The following CTIF variants were observed in gnomAD, a reference collection of about 807,000 sequenced individuals.
CTIF encodes the protein CBP80/20-dependent translation initiation factor.
In CTIF, 21 loss-of-function variants were observed where a neutral mutation model predicts 66.0. The ratio of observed to expected loss-of-function variants is 0.32; its 90% CI spans 0.23 to 0.46. CTIF has a LOEUF of 0.46. CTIF is among the 20% of genes least tolerant of loss of function. The pLI, the probability that CTIF is intolerant of heterozygous loss-of-function variation, is 1.00. For missense variants in CTIF, 739 were observed against 812.7 expected (o/e 0.91, Z 1.10); for synonymous variants, 345 against 326.4 (o/e 1.06, Z -0.62).
At chr18:48,707,420 C>A (rs2092170950) in intron 6 of CTIF, among the ~76,000 whole-genome samples, 1 of 152,138 alleles carries the variant, frequency 6.6e-6, no homozygotes, top group South Asian at 2.1e-4. Flanking sequence ...TTGGACATGC[C>A]ACCTTTTCCA....
intron 1 of CTIF, among the ~76,000 whole-genome samples, chr18:48,589,155 C>T (rs1030526006): frequency 8.5e-5 from 13 of 152,262 alleles, no homozygotes; most frequent in East Asian, 1.9e-4. Flanking sequence ...ACTATTGTCA[C>T]GAATTATCAC....
intron 10 of CTIF, chr18:48,826,460 C>T (rs2068584145): frequency 6.6e-6 from 1 of 152,276 alleles, no homozygotes; most frequent in African/African-American, 2.4e-5. Context: ...TCTTGCCTGG[C>T]TCTTGCCCAC....
intron 7 of CTIF, among the ~76,000 whole-genome samples, chr18:48,757,229 T>C (rs1908454207): frequency 6.6e-6 from 1 of 152,294 alleles, no homozygotes; most frequent in Admixed American, 6.5e-5. Context: ...TTAAAGGTGA[T>C]CCATCATGTC....
chr18:48,640,207 C>T (rs891671688), intron 3 of CTIF, among the ~76,000 whole-genome samples: 8 of 152,190 alleles, frequency 5.3e-5, no homozygotes, highest in Admixed American at 1.3e-4. Context: ...ATGAGCACCC[C>T]GGCTGGCTCC....
chr18:48,558,318 C>G (rs1431308227), intron 1 of CTIF, among the ~76,000 whole-genome samples: 1 of 152,180 alleles, frequency 6.6e-6, no homozygotes, highest in East Asian at 1.9e-4. Flanking sequence ...CTGCAGGAGG[C>G]TGAGTTTAAT....
intron 10 of CTIF, among the ~76,000 whole-genome samples, chr18:48,844,615 C>T (rs1454879713): frequency 2.6e-5 from 4 of 152,180 alleles, no homozygotes; most frequent in Admixed American, 6.5e-5. Flanking sequence ...AGCCAGACCA[C>T]AGGGCACAAG....
intron 4 of CTIF, 98 bp downstream of exon 4, chr18:48,663,923 G>C (rs2091390207): frequency 1.1e-5 from 12 of 1,129,398 alleles, no homozygotes; most frequent in Middle Eastern, 1.9e-4. Context: ...ATGAGCAAGA[G>C]GCAGAGAGAA....
intron 10 of CTIF, among the ~76,000 whole-genome samples, chr18:48,817,783 A>T (rs1303739265): frequency 6.6e-6 from 1 of 151,538 alleles, no homozygotes; most frequent in Non-Finnish European, 1.5e-5. Context: ...TCCAAAAAAA[A>T]AAAAAGGGGG....
intron 7 of CTIF, among the ~76,000 whole-genome samples, chr18:48,754,258 C>T (rs1314929189): frequency 4.6e-5 from 7 of 152,126 alleles, no homozygotes; most frequent in African/African-American, 1.2e-4. Flanking sequence ...TGTCTAAAGG[C>T]GAATGGGAGA....
At chr18:48,772,158 G>A (rs1008253938) in intron 9 of CTIF, among the ~76,000 whole-genome samples, 2 of 152,190 alleles carry the variant, frequency 1.3e-5, no homozygotes, top group African/African-American at 4.8e-5. Context: ...GCGCCAAGGT[G>A]TTTCCTGAAA....
chr18:48,597,015 T>C (rs933943204), intron 1 of CTIF, among the ~76,000 whole-genome samples: 1 of 152,178 alleles, frequency 6.6e-6, no homozygotes, highest in Non-Finnish European at 1.5e-5. Flanking sequence ...CTCCACTGCA[T>C]CATGTGGGCC....
At chr18:48,781,749 G>A (rs1911249751) in intron 9 of CTIF, among the ~76,000 whole-genome samples, 2 of 152,090 alleles carry the variant, frequency 1.3e-5, no homozygotes, top group African/African-American at 4.8e-5. Flanking sequence ...GGGCAGGAGA[G>A]GAAGCATTCT....
intron 6 of CTIF, among the ~76,000 whole-genome samples, chr18:48,699,689 C>A (rs905630137): frequency 3.3e-5 from 5 of 152,176 alleles, no homozygotes; most frequent in African/African-American, 1.2e-4. Context: ...TGCAGCGGGG[C>A]ATTCTTGAGC....
intron 3 of CTIF, among the ~76,000 whole-genome samples, chr18:48,645,474 C>A (rs2091013300): frequency 6.6e-6 from 1 of 152,116 alleles, no homozygotes; most frequent in African/African-American, 2.4e-5. Flanking sequence ...CAGCCAAGAC[C>A]AAGTGGGAGC....
intron 6 of CTIF, among the ~76,000 whole-genome samples, chr18:48,671,687 T>C (rs1385131340): frequency 6.6e-6 from 1 of 151,930 alleles, no homozygotes; most frequent in Non-Finnish European, 1.5e-5. Context: ...TATAGTTTCA[T>C]CAAATTTGGA....
chr18:48,779,045 G>C (rs947457083), intron 9 of CTIF, among the ~76,000 whole-genome samples: 15 of 152,304 alleles, frequency 9.8e-5, no homozygotes, highest in African/African-American at 3.4e-4. Flanking sequence ...CGGGGCCCCA[G>C]TTTTCCATTT....
At chr18:48,696,154 T>G (rs1443199032) in intron 6 of CTIF, among the ~76,000 whole-genome samples, 1 of 152,246 alleles carries the variant, frequency 6.6e-6, no homozygotes. Flanking sequence ...GATGCAATTC[T>G]GGAGGTGAAG....
chr18:48,743,124 A>G (rs2092568553), intron 7 of CTIF, among the ~76,000 whole-genome samples: 1 of 152,250 alleles, frequency 6.6e-6, no homozygotes, highest in African/African-American at 2.4e-5. Context: ...AATTCTGCAC[A>G]TATGCCTCAG....
At chr18:48,652,250 G>A (rs2091169070) in intron 3 of CTIF, among the ~76,000 whole-genome samples, 1 of 152,074 alleles carries the variant, frequency 6.6e-6, no homozygotes, top group African/African-American at 2.4e-5. Flanking sequence ...GACTAATAAA[G>A]AAGAAAAGAG....
Sources: allele counts gnomAD v4.1 joint callset (sites outside exome capture counted in the v4.1 genomes callset), GRCh38; gene constraint gnomAD v4.1.1; transcripts MANE v1.5; gene names NCBI Gene and HGNC (gene_info 2026-07-23, HGNC 2026-07-21).